Variants in C4orf36 observed in about 807,000 individuals in gnomAD.
C4orf36 encodes the protein uncharacterized protein C4orf36.
C4orf36 carries 11 observed loss-of-function variants against 12.2 expected under a neutral mutation model. The ratio of observed to expected loss-of-function variants is 0.90; its 90% confidence interval spans 0.57 to 1.49. The LOEUF is 1.49. Ranked by LOEUF, C4orf36 falls within the 40% of genes most tolerant of loss-of-function variation. The pLI, the probability that C4orf36 is intolerant of heterozygous loss-of-function variation, is 0.00. For synonymous variants in C4orf36, 54 were observed against 51.3 expected (o/e 1.05, Z -0.22); for missense variants, 137 against 133.9 (o/e 1.02, Z -0.11).
chr4:86,894,228 T>C (rs565396692), upstream of C4orf36, among the ~76,000 whole-genome samples: 3 of 152,238 alleles, frequency 2.0e-5, no homozygotes, highest in South Asian at 4.2e-4. Context: ...TGAGTTAGCA[T>C]AGAATGGCGA....
the C4orf36 span, among the ~76,000 whole-genome samples, chr4:86,897,874 A>G: frequency 2.6e-5 from 4 of 152,238 alleles, no homozygotes; most frequent in Non-Finnish European, 5.9e-5. Context: ...TTATACCAGG[A>G]AAGCTCAGCC....
the C4orf36 span, chr4:86,936,185 G>A: frequency 1.3e-5 from 2 of 152,244 alleles, no homozygotes; most frequent in African/African-American, 2.4e-5. Flanking sequence ...CTGTTAGGGG[G>A]AAAGGCCTTG....
chr4:86,895,424 T>C (rs1434259582), upstream of C4orf36, among the ~76,000 whole-genome samples: 1 of 152,260 alleles, frequency 6.6e-6, no homozygotes, highest in Non-Finnish European at 1.5e-5. Context: ...AAATATCTTA[T>C]TGTAGAAGGA....
the C4orf36 span, among the ~76,000 whole-genome samples, chr4:86,918,801 TTG>T: frequency 1.6e-5 from 1 of 63,376 alleles, no homozygotes; most frequent in Admixed American, 2.3e-4. Flanking sequence ...CAACTGTGTG[TTG>T]TGTGTGCGTG....
chr4:86,914,351 T>C, the C4orf36 span: 1 of 1,416,000 alleles, frequency 7.1e-7, no homozygotes, highest in Non-Finnish European at 9.9e-7. Flanking sequence ...GCTCCTTGAG[T>C]TCATGAGCTT....
At chr4:86,911,386 C>T in the C4orf36 span, among the ~76,000 whole-genome samples, 1 of 152,198 alleles carries the variant, frequency 6.6e-6, no homozygotes, top group Non-Finnish European at 1.5e-5. Flanking sequence ...GAATATCCAA[C>T]ACACAGATCA....
At chr4:86,889,997 C>A in intron 2 of C4orf36, 1 of 447,624 alleles carries the variant, frequency 2.2e-6, no homozygotes, top group Non-Finnish European at 4.5e-6. Flanking sequence ...TTGAGACTAG[C>A]CTGGGCAACA....
the C4orf36 span, among the ~76,000 whole-genome samples, chr4:86,905,848 G>A: frequency 6.6e-6 from 1 of 151,814 alleles, no homozygotes. Flanking sequence ...CCGAGTACCT[G>A]GGATTACAGG....
chr4:86,897,985 C>T, the C4orf36 span, among the ~76,000 whole-genome samples: 2 of 152,188 alleles, frequency 1.3e-5, no homozygotes, highest in Non-Finnish European at 2.9e-5. Context: ...ATACATGAGA[C>T]CTTTAGGCTG....
chr4:86,932,903 T>C, the C4orf36 span, among the ~76,000 whole-genome samples: 1 of 152,194 alleles, frequency 6.6e-6, no homozygotes, highest in Non-Finnish European at 1.5e-5. Context: ...TCATTGAGTG[T>C]GCTAAAAATG....
chr4:86,933,961 G>A, the C4orf36 span, among the ~76,000 whole-genome samples: 1 of 152,136 alleles, frequency 6.6e-6, no homozygotes, highest in South Asian at 2.1e-4. Context: ...GGTTTAATTT[G>A]GAAATGCAAA....
At chr4:86,887,189 C>G (rs977986899) in intron 4 of C4orf36, 9 of 152,132 alleles carry the variant, frequency 5.9e-5, no homozygotes, top group African/African-American at 2.2e-4. Flanking sequence ...ATGCAGCACA[C>G]CAACATGGCC....
Position 86,887,949 on chromosome 4 carries a change from A to C in C4orf36, c.221-56T>G, listed in dbSNP as rs552305466. 101 of 1,603,592 alleles carry C rather than the reference A, an allele frequency of 6.3e-5. 3 individuals are homozygous for C. The South Asian group carries it at 1.1e-3, about 17-fold the overall frequency. On this transcript the variant is annotated intron_variant, in intron 3 of 4. Transcript: ENST00000295898. ...CATACATTTTTCATCAGGCATAACT[A>C]AGTCAAAACTGAATATCATACAGCA...
upstream of C4orf36, among the ~76,000 whole-genome samples, chr4:86,893,783 A>G (rs1016061729): frequency 3.3e-5 from 5 of 152,176 alleles, no homozygotes; most frequent in Non-Finnish European, 5.9e-5. Flanking sequence ...GAGGAGTGAC[A>G]GTGGGTGTTT....
At chr4:86,887,973 C>T in intron 3 of C4orf36, 80 bp from the exon 4 acceptor site, 1 of 1,576,250 alleles carries the variant, frequency 6.3e-7, no homozygotes, top group Non-Finnish European at 8.7e-7. Flanking sequence ...TATCATACAG[C>T]AAAATCCATA....
intron 4 of C4orf36, among the ~76,000 whole-genome samples, chr4:86,877,931 C>A (rs1257073302): frequency 6.6e-6 from 1 of 152,120 alleles, no homozygotes; most frequent in Non-Finnish European, 1.5e-5. Flanking sequence ...ATGGTGGGAA[C>A]TGGGGTGTGG....
chr4:86,901,214 T>G, the C4orf36 span, among the ~76,000 whole-genome samples: 1 of 151,570 alleles, frequency 6.6e-6, no homozygotes. Flanking sequence ...CGAACTGACT[T>G]CAAGTGAGCC....
At chr4:86,912,704 G>C in the C4orf36 span, among the ~76,000 whole-genome samples, 3 of 152,138 alleles carry the variant, frequency 2.0e-5, no homozygotes, top group South Asian at 6.2e-4. Context: ...ATGTGTTTGT[G>C]CATGTATACA....
Position 86,876,262 on chromosome 4 carries a change from A to T in C4orf36, c.*184T>A. ...TAAAAAGAGAAACAAACTGAGTTCC[A>T]CTGAAATTAAGAGATTTTCTCGGTC... is the stretch of plus-strand genomic sequence containing the variant. On this transcript the variant is annotated 3_prime_UTR_variant, in exon 5 of 5. Coordinates refer to ENST00000295898, the MANE Select transcript of C4orf36 (RefSeq NM_144645.4). 2 of 662,022 alleles carry T rather than the reference A, an allele frequency of 3.0e-6. No homozygotes were observed. Among genetic ancestry groups the T allele is most frequent in the South Asian group, 3.1e-5 (1 of 32,516 alleles). The allele number at this position is 662,022 out of a possible 1,614,324, so 41.0% of individuals were successfully genotyped here.
Sources: gnomAD v4.1 joint callset for allele counts (sites outside exome capture counted in the v4.1 genomes callset) on GRCh38, gnomAD v4.1.1 for gene constraint, MANE v1.5 for transcripts, NCBI Gene and HGNC (gene_info 2026-07-23, HGNC 2026-07-21) for gene names.